The following KCNT2 variants were observed in gnomAD, a reference collection of about 807,000 sequenced individuals.
The protein encoded by KCNT2 is potassium sodium-activated channel subfamily T member 2.
KCNT2 carries 67 observed loss-of-function variants against 153.8 expected under a neutral mutation model. The ratio of observed to expected loss-of-function variants is 0.44; its 90% confidence interval spans 0.36 to 0.53. The LOEUF (loss-of-function observed/expected upper bound fraction) is 0.53, where lower values mean the gene tolerates loss of function less well. KCNT2 is among the 20% of genes least tolerant of loss of function. KCNT2 has a pLI of 0.00. For synonymous variants in KCNT2, 500 were observed against 458.8 expected (o/e 1.09, Z -1.15); for missense variants, 975 against 1,354.8 (o/e 0.72, Z 4.40).
chr1:196,352,034 C>T (rs1666753454), intron 14 of KCNT2, among the ~76,000 whole-genome samples: 1 of 152,144 alleles, frequency 6.6e-6, no homozygotes. Context: ...TTGAACCAGC[C>T]TTGCATCCCA....
chr1:196,511,073 TA>T (rs944482249), intron 1 of KCNT2, among the ~76,000 whole-genome samples: 2 of 149,752 alleles, frequency 1.3e-5, no homozygotes, highest in Admixed American at 6.7e-5. Context: ...AGGAAGCACC[TA>T]AAAAAAGTTG....
At chr1:196,538,799 A>G (rs182391131) in intron 1 of KCNT2, among the ~76,000 whole-genome samples, 75 of 152,174 alleles carry the variant, frequency 4.9e-4, no homozygotes, top group African/African-American at 1.6e-3. Flanking sequence ...TTATAACTCA[A>G]TTTTCCATGG....
intron 25 of KCNT2, among the ~76,000 whole-genome samples, chr1:196,272,442 G>A (rs1038840363): frequency 2.0e-5 from 3 of 151,120 alleles, no homozygotes; most frequent in African/African-American, 4.8e-5. Flanking sequence ...CCTTTTTTTT[G>A]CTTATGTATC....
intron 25 of KCNT2, among the ~76,000 whole-genome samples, chr1:196,271,289 G>C (rs1278487065): frequency 6.6e-6 from 1 of 151,926 alleles, no homozygotes; most frequent in Admixed American, 6.6e-5. Context: ...TGAAGACCTA[G>C]GGAACTTAAA....
chr1:196,523,038 G>A (rs183792857), intron 1 of KCNT2, among the ~76,000 whole-genome samples: 15 of 152,264 alleles, frequency 9.9e-5, no homozygotes, highest in Admixed American at 2.0e-4. Context: ...AAACCTTGCC[G>A]CTGCTCACTC....
chr1:196,556,307 C>T (rs1421949393), intron 1 of KCNT2, among the ~76,000 whole-genome samples: 1 of 151,026 alleles, frequency 6.6e-6, no homozygotes, highest in Non-Finnish European at 1.5e-5. Flanking sequence ...ATAGGAAAAC[C>T]ATCTAATAAT....
intron 1 of KCNT2, among the ~76,000 whole-genome samples, chr1:196,495,590 C>T (rs1255008815): frequency 6.6e-6 from 1 of 151,964 alleles, no homozygotes; most frequent in Non-Finnish European, 1.5e-5. Flanking sequence ...AATTTACTTA[C>T]ATCTAGTAGA....
At chr1:196,362,573 T>C (rs1234792592) in intron 14 of KCNT2, among the ~76,000 whole-genome samples, 1 of 152,070 alleles carries the variant, frequency 6.6e-6, no homozygotes, top group East Asian at 1.9e-4. Context: ...TTACCTGACA[T>C]TTGCTGGCCT....
chr1:196,471,203 G>A (rs1464209724), intron 5 of KCNT2, among the ~76,000 whole-genome samples: 1 of 151,796 alleles, frequency 6.6e-6, no homozygotes, highest in African/African-American at 2.4e-5. Context: ...CATTGCGCCC[G>A]GCCCCTAATT....
chr1:196,528,328 G>T (rs929623010), intron 1 of KCNT2, among the ~76,000 whole-genome samples: 1 of 152,112 alleles, frequency 6.6e-6, no homozygotes, highest in South Asian at 2.1e-4. Context: ...TTGAGAAATG[G>T]TCTTTTGATA....
In KCNT2 at chr1:196,231,394, C is replaced by G. The variant is rs553084255; in HGVS notation, c.3297-3059G>C. 4.0e-5 allele frequency among the ~76,000 whole-genome samples: 6 copies of G among 151,852 alleles called. No individual in the cohort carries two copies. The South Asian group carries it at 6.2e-4, about 16-fold the overall frequency. ...TATGCCTGAGTATCTTTAGTGACTGCTTCTTGAGCACCTGTAGGAAACTGT... is the reference window on the plus strand; with the variant it reads ...TATGCCTGAGTATCTTTAGTGACTGGTTCTTGAGCACCTGTAGGAAACTGT... On this transcript the variant is annotated intron_variant, in intron 27 of 27. Transcript: ENST00000294725.
chr1:196,532,599 GAAAAT>G (rs1655090674), intron 1 of KCNT2, among the ~76,000 whole-genome samples: 2 of 151,592 alleles, frequency 1.3e-5, no homozygotes, highest in African/African-American at 4.8e-5. Context: ...AAAATAAAAT[GAAAAT>G]AAAAGAGAAT....
intron 16 of KCNT2, among the ~76,000 whole-genome samples, chr1:196,336,340 A>T (rs1167128707): frequency 6.6e-6 from 1 of 152,040 alleles, no homozygotes; most frequent in Non-Finnish European, 1.5e-5. Context: ...TGACACCTGT[A>T]CCTTGGCTTT....
At position 196,373,264 on chromosome 1, in the gene KCNT2, T is replaced by C. The variant is rs1235567736; in HGVS notation, c.1295-16A>G. The stretch of plus-strand genomic sequence containing the variant: ...ACAACATGATCTGTTTGAAATAAAA[T>C]AGGTAAATTAGAATAATTTACCTTT... On this transcript the variant is annotated splice_polypyrimidine_tract_variant and intron_variant, in intron 13 of 27. Coordinates refer to ENST00000294725, the MANE Select transcript of KCNT2 (RefSeq NM_198503.5). 7.6e-6 allele frequency: 8 copies of C among 1,056,434 alleles called. No homozygotes were observed. The highest frequency in any genetic ancestry group is 1.3e-5 in the South Asian group (1 of 75,348). The allele number at this position is 1,056,434 out of a possible 1,614,324, so 65.4% of individuals were successfully genotyped here. A position where few individuals can be genotyped will look rare whatever the true frequency, so the allele number is the denominator to read the frequency against.
At chr1:196,323,096 T>A (rs1359476977) in intron 19 of KCNT2, among the ~76,000 whole-genome samples, 1 of 151,928 alleles carries the variant, frequency 6.6e-6, no homozygotes, top group Non-Finnish European at 1.5e-5. Flanking sequence ...TTAAAAAGAC[T>A]CAGTAACATT....
chr1:196,598,536 T>C (rs1664355932), intron 1 of KCNT2, among the ~76,000 whole-genome samples: 1 of 152,204 alleles, frequency 6.6e-6, no homozygotes, highest in African/African-American at 2.4e-5. Context: ...ATCAAGTCAC[T>C]ATAACACTGG....
chr1:196,421,022 AT>A (rs1249021583), intron 12 of KCNT2, among the ~76,000 whole-genome samples: 1 of 151,984 alleles, frequency 6.6e-6, no homozygotes. Context: ...TGGTACCTCT[AT>A]TTTCTGAGAC....
intron 8 of KCNT2, among the ~76,000 whole-genome samples, chr1:196,436,684 G>A (rs567474956): frequency 0.011 from 1,737 of 151,162 alleles, 24 homozygotes; most frequent in Non-Finnish European, 0.015. Flanking sequence ...GAATTTTGGT[G>A]AGTTCTTATT....
intron 8 of KCNT2, among the ~76,000 whole-genome samples, chr1:196,431,011 C>T (rs551476780): frequency 1.5e-4 from 23 of 152,224 alleles, no homozygotes; most frequent in African/African-American, 5.3e-4. Flanking sequence ...ATGGAATTAG[C>T]AATCTTATAA....
Sources: allele counts gnomAD v4.1 joint callset (sites outside exome capture counted in the v4.1 genomes callset), GRCh38; gene constraint gnomAD v4.1.1; transcripts MANE v1.5; gene names NCBI Gene and HGNC (gene_info 2026-07-23, HGNC 2026-07-21).